The following MAST2 variants were observed in gnomAD, a reference collection of about 807,000 sequenced individuals.
The protein encoded by MAST2 is microtubule associated serine/threonine kinase 2, also known as microtubule-associated serine/threonine-protein kinase 2.
MAST2 carries 70 observed loss-of-function variants against 147.4 expected under a neutral mutation model. That is an observed-to-expected ratio of 0.47 (90% CI 0.39 to 0.58). MAST2 has a LOEUF of 0.58. MAST2 is among the 20% of genes least tolerant of loss of function. The pLI, the probability that MAST2 is intolerant of heterozygous loss-of-function variation, is 0.00. For synonymous variants in MAST2, 869 were observed against 896.8 expected (o/e 0.97, Z 0.55); for missense variants, 2,080 against 2,302.3 (o/e 0.90, Z 1.98).
At chr1:46,002,744 G>C in intron 6 of MAST2, 61 bp from the exon 7 acceptor site, 1 of 1,458,100 alleles carries the variant, frequency 6.9e-7, no homozygotes, top group Non-Finnish European at 9.6e-7. Context: ...GAACAGACAG[G>C]CAGGTTGTGG....
At chr1:45,870,249 C>T (rs1244298017) in intron 3 of MAST2, among the ~76,000 whole-genome samples, 1 of 152,048 alleles carries the variant, frequency 6.6e-6, no homozygotes, top group Admixed American at 6.6e-5. Context: ...ACCTGTTTGA[C>T]ATGCCTTTCT....
chr1:45,874,155 T>G (rs1646507394), intron 3 of MAST2, among the ~76,000 whole-genome samples: 1 of 152,190 alleles, frequency 6.6e-6, no homozygotes, highest in Non-Finnish European at 1.5e-5. Flanking sequence ...TTATTTGACT[T>G]TTACAACTGC....
chr1:45,823,723 CAT>C (rs1038368707), intron 1 of MAST2, among the ~76,000 whole-genome samples: 1 of 152,122 alleles, frequency 6.6e-6, no homozygotes, highest in African/African-American at 2.4e-5. Flanking sequence ...CCTTCATTGA[CAT>C]ATAATAGATA....
At chr1:45,829,059 A>G (rs1644876845) in intron 2 of MAST2, among the ~76,000 whole-genome samples, 1 of 152,208 alleles carries the variant, frequency 6.6e-6, no homozygotes, top group Admixed American at 6.5e-5. Context: ...AGAGCAGAAT[A>G]GGTTCATTGT....
At chr1:46,008,451 G>A in intron 9 of MAST2, 80 bp downstream of exon 9, 1 of 901,402 alleles carries the variant, frequency 1.1e-6, no homozygotes. Context: ...AGACTCTGGA[G>A]TGAAGGAATG....
At chr1:46,015,932 TACTGGCAA>T (rs1195007152) in intron 10 of MAST2, among the ~76,000 whole-genome samples, 1 of 152,146 alleles carries the variant, frequency 6.6e-6, no homozygotes, top group East Asian at 1.9e-4. Context: ...CTCAATAAAA[TACTGGCAA>T]ACCGAATCCA....
At chr1:45,904,098 T>A (rs1442134648) in intron 4 of MAST2, among the ~76,000 whole-genome samples, 1 of 152,148 alleles carries the variant, frequency 6.6e-6, no homozygotes, top group African/African-American at 2.4e-5. Context: ...ACTCCTGGTC[T>A]CAAGTGATCC....
intron 4 of MAST2, among the ~76,000 whole-genome samples, chr1:45,922,948 C>T (rs971926264): frequency 6.6e-6 from 1 of 152,186 alleles, no homozygotes; most frequent in East Asian, 1.9e-4. Context: ...ACATGGTGAT[C>T]TGCTCCATGG....
chr1:45,845,844 T>C (rs1645414409), intron 3 of MAST2, among the ~76,000 whole-genome samples: 1 of 152,222 alleles, frequency 6.6e-6, no homozygotes, highest in Non-Finnish European at 1.5e-5. Flanking sequence ...CACTGCAAGC[T>C]CTGCCTCCTG....
chr1:45,849,829 A>G (rs1035667141), intron 3 of MAST2, among the ~76,000 whole-genome samples: 3 of 151,830 alleles, frequency 2.0e-5, no homozygotes, highest in Non-Finnish European at 4.4e-5. Context: ...CCCCGCCCAT[A>G]TTTTCTTTAT....
chr1:45,925,603 A>C (rs1654237440), intron 4 of MAST2, among the ~76,000 whole-genome samples: 1 of 152,158 alleles, frequency 6.6e-6, no homozygotes, highest in Non-Finnish European at 1.5e-5. Flanking sequence ...TTTGATGTTA[A>C]CAGCTTAATG....
chr1:46,035,526 C>G lies in MAST2; in HGVS notation c.4857C>G (p.Ala1619=). Reference sequence around the variant, plus strand: ...TCCCTCCTGAAGGTTGCTGGAAGGCCCAGCACCTCCACACCCAGGCACTAA... The same window carrying G: ...TCCCTCCTGAAGGTTGCTGGAAGGCGCAGCACCTCCACACCCAGGCACTAA... ...DPIPPEGCWK[A]QHLHTQALTA... Residue 1619 remains alanine (A), a synonymous_variant, in exon 29 of 29, where the codon GCC becomes GCG. Coordinates refer to ENST00000361297, the MANE Select transcript of MAST2 (RefSeq NM_015112.3). The surrounding 1 kb of genome is among the most constrained non-coding windows in gnomAD (Gnocchi z 5.5). 2.5e-6 allele frequency: 4 copies of G among 1,613,282 alleles called. No individual in the cohort carries two copies. The highest frequency in any genetic ancestry group is 3.4e-6 in the Non-Finnish European group (4 of 1,179,984).
chr1:45,885,756 T>C (rs1040934362), intron 4 of MAST2, among the ~76,000 whole-genome samples: 2 of 152,192 alleles, frequency 1.3e-5, no homozygotes, highest in Admixed American at 1.3e-4. Flanking sequence ...TAGTTCCAGT[T>C]AGGTGTAGGC....
At position 45,839,025 on chromosome 1, in the gene MAST2, G is replaced by A. The variant is rs189820412; in HGVS notation, c.468+9444G>A. On this transcript the variant is annotated intron_variant, in intron 3 of 28. Transcript: ENST00000361297. ...GTCTCACTCTGTCATCCAGGCTGGA[G>A]TATAGGGGTGTGATCTTGGCTCACT... Among the ~76,000 whole-genome samples the A allele has an allele frequency of 7.9e-5, 12 of 152,134 alleles. No homozygotes were observed. The East Asian group carries it at 9.6e-4, about 12-fold the overall frequency.
rs369110439 is a variant in MAST2 at position 45,904,588 on chromosome 1, C to G, written c.500+22193C>G. Among the ~76,000 whole-genome samples the G allele has an allele frequency of 5.5e-4, 83 of 152,134 alleles. No homozygotes were observed. In the East Asian group the frequency reaches 0.016, roughly 29 times the overall value. ...CAAGCAGTACTCCTACCTTAGCCCC[C>G]CCAAGTAGCTGGGACTATAGACACA... On this transcript the variant is annotated intron_variant, in intron 4 of 28. Transcript: ENST00000361297.
At chr1:45,930,479 G>GCATT (rs761965007) in intron 4 of MAST2, among the ~76,000 whole-genome samples, 52 of 151,924 alleles carry the variant, frequency 3.4e-4, no homozygotes, top group South Asian at 6.2e-4. Context: ...TGAGATAGAT[G>GCATT]CATTCATTCA....
chr1:45,925,237 C>T (rs939275339), intron 4 of MAST2, among the ~76,000 whole-genome samples: 1 of 152,212 alleles, frequency 6.6e-6, no homozygotes, highest in Non-Finnish European at 1.5e-5. Context: ...AAATGATACC[C>T]ACTCTAGCTC....
At chr1:45,968,619 A>G (rs973970172) in intron 5 of MAST2, among the ~76,000 whole-genome samples, 4 of 151,460 alleles carry the variant, frequency 2.6e-5, no homozygotes, top group Admixed American at 1.3e-4. Flanking sequence ...GGCTTCTTTC[A>G]GATTTTTGTG....
intron 3 of MAST2, among the ~76,000 whole-genome samples, chr1:45,871,874 G>A (rs1646407035): frequency 6.6e-6 from 1 of 152,064 alleles, no homozygotes; most frequent in Non-Finnish European, 1.5e-5. Flanking sequence ...ATATTTTAGT[G>A]GCAGAGAATA....
Sources: gnomAD v4.1 joint callset for allele counts (sites outside exome capture counted in the v4.1 genomes callset) on GRCh38, gnomAD v4.1.1 for gene constraint, Gnocchi (gnomAD v3.1) non-coding constraint, MANE v1.5 for transcripts, NCBI Gene and HGNC (gene_info 2026-07-23, HGNC 2026-07-21) for gene names.